Variants in ARHGAP20 observed in about 807,000 individuals in gnomAD.
The protein encoded by ARHGAP20 is rho GTPase-activating protein 20.
A neutral mutation model predicts 73.7 loss-of-function variants in ARHGAP20; 34 were observed. That is an observed-to-expected ratio of 0.46 (90% CI 0.35 to 0.61). ARHGAP20 has a LOEUF of 0.61. Among genes scored for constraint, ARHGAP20 ranks in the 20% least tolerant of loss-of-function variants. ARHGAP20 has a pLI of 0.00. For synonymous variants in ARHGAP20, 523 were observed against 518.2 expected, an observed-to-expected ratio of 1.01 and a Z score of -0.13; for missense variants, 1,314 against 1,420.9, an observed-to-expected ratio of 0.92 and a Z score of 1.21.
chr11:110,619,947 A>G (rs1418080485), intron 4 of ARHGAP20, among the ~76,000 whole-genome samples: 1 of 152,176 alleles, frequency 6.6e-6, no homozygotes, highest in African/African-American at 2.4e-5. Context: ...TCTTCCCTCA[A>G]TTTGACTCAA....
chr11:110,657,333 T>C (rs1949488398), intron 2 of ARHGAP20, among the ~76,000 whole-genome samples: 1 of 152,068 alleles, frequency 6.6e-6, no homozygotes, highest in African/African-American at 2.4e-5. Flanking sequence ...AACCTGGCTA[T>C]GAGGTAGTCA....
At chr11:110,712,067 G>A (rs1340434445) in intron 1 of ARHGAP20, 60 bp downstream of exon 1, 35 of 1,249,980 alleles carry the variant, frequency 2.8e-5, no homozygotes, top group Non-Finnish European at 3.4e-5. Context: ...CGCGGAGGGC[G>A]CGCGCCGGCA....
At chr11:110,674,931 T>C (rs750185717) in intron 2 of ARHGAP20, among the ~76,000 whole-genome samples, 23 of 152,186 alleles carry the variant, frequency 1.5e-4, no homozygotes, top group Non-Finnish European at 3.1e-4. Context: ...TCATCTTATT[T>C]TATTATACTT....
chr11:110,702,718 C>A (rs11213546), intron 1 of ARHGAP20, among the ~76,000 whole-genome samples: 15,681 of 152,172 alleles, frequency 0.1, 1,159 homozygotes, highest in African/African-American at 0.21. Flanking sequence ...GTGAAAATCA[C>A]AAGCATTCCT....
chr11:110,630,694 C>G lies in ARHGAP20; in HGVS notation c.287G>C (p.Arg96Thr), dbSNP rs758077410. The G allele has an allele frequency of 6.2e-7, 1 of 1,614,116 alleles. No homozygotes were observed. ...LLIDGRAELK[R>T]GLQRQERHLF... ...ATGCCGCTCCTGCCTCTGGAGGCCT[C>G]TTTTGAGTTCTGCCCGGCCATCAAT... Residue 96 changes from arginine (R) to threonine (T), a missense_variant, in exon 3 of 15, where the codon AGA becomes ACA. Arg to Thr is a moderately conservative substitution (Grantham distance 71). This residue lies in a region of ARHGAP20 where 443 missense variants were observed against 466.4 expected (regional missense o/e 0.95). Coordinates refer to ENST00000683387, the MANE Select transcript of ARHGAP20 (RefSeq NM_001384657.1).
chr11:110,633,219 C>T (rs1948894249), intron 2 of ARHGAP20, among the ~76,000 whole-genome samples: 1 of 152,170 alleles, frequency 6.6e-6, no homozygotes, highest in Admixed American at 6.5e-5. Flanking sequence ...GCACCATTTA[C>T]ACCAAAGACT....
chr11:110,703,717 T>C (rs150732051), intron 1 of ARHGAP20, among the ~76,000 whole-genome samples: 1 of 152,272 alleles, frequency 6.6e-6, no homozygotes, highest in East Asian at 1.9e-4. Context: ...AGCATCACTA[T>C]GGGTCTTCAC....
At chr11:110,672,851 C>T (rs1949856176) in intron 2 of ARHGAP20, among the ~76,000 whole-genome samples, 1 of 152,188 alleles carries the variant, frequency 6.6e-6, no homozygotes, top group Admixed American at 6.5e-5. Flanking sequence ...ACAAACATTA[C>T]ATGACCTAGT....
chr11:110,678,337 A>G lies in ARHGAP20; in HGVS notation c.188+12210T>C, dbSNP rs545780732. The stretch of plus-strand genomic sequence containing the variant: ...TATAGTAAAAACCACTGAAGTGTAC[A>G]CTTTTAACTGGTGAATTATACCATA... On this transcript the variant is annotated intron_variant, in intron 2 of 14. Coordinates refer to ENST00000683387, the MANE Select transcript of ARHGAP20 (RefSeq NM_001384657.1). Among the ~76,000 whole-genome samples the G allele has an allele frequency of 1.8e-4, 27 of 152,346 alleles. No homozygotes were observed. The South Asian group carries it at 4.1e-3, about 23-fold the overall frequency.
intron 2 of ARHGAP20, among the ~76,000 whole-genome samples, chr11:110,648,284 TAGACAAAGTCCTCAAAGAC>T (rs1949269296): frequency 6.9e-6 from 1 of 144,200 alleles, no homozygotes; most frequent in Non-Finnish European, 1.5e-5. Context: ...TATATGCATA[TAGACAAAGTCCTCAAAGAC>T]ATATGTGTAT....
intron 11 of ARHGAP20, among the ~76,000 whole-genome samples, chr11:110,586,708 G>C (rs1314653992): frequency 6.6e-6 from 1 of 152,094 alleles, no homozygotes; most frequent in Non-Finnish European, 1.5e-5. Context: ...TATCTATGAG[G>C]TTCATTGTCT....
In ARHGAP20 at chr11:110,579,746, G is replaced by A. The variant is rs1041289013; in HGVS notation, c.3200C>T (p.Pro1067Leu). The A allele has an allele frequency of 6.8e-6, 11 of 1,613,748 alleles. No individual in the cohort carries two copies. Among genetic ancestry groups the A allele is most frequent in the African/African-American group, 1.3e-5 (1 of 74,838 alleles). The change falls in exon 15 of 15, where the codon CCA (proline) becomes CTA (leucine). Residue 1067 changes from proline to leucine, a missense_variant. This residue lies in a region of ARHGAP20 where 641 missense variants were observed against 636.9 expected (regional missense o/e 1.01). Coordinates refer to ENST00000683387, the MANE Select transcript of ARHGAP20 (RefSeq NM_001384657.1). Reference sequence around the variant, plus strand: ...TGGGGGTGGCTCTAAGGGTCCTTTTGGAGAAGCTATTTTCTCTTCCTCTGG... The same window carrying A: ...TGGGGGTGGCTCTAAGGGTCCTTTTAGAGAAGCTATTTTCTCTTCCTCTGG... ...ARPEEEKIAS[P>L]KGPLEPPPHA...
chr11:110,676,157 A>G (rs1347765965), intron 2 of ARHGAP20, among the ~76,000 whole-genome samples: 1 of 152,246 alleles, frequency 6.6e-6, no homozygotes, highest in Non-Finnish European at 1.5e-5. Context: ...ATTTTTCCAT[A>G]TGAGAAACAC....
intron 2 of ARHGAP20, among the ~76,000 whole-genome samples, chr11:110,636,670 A>G (rs1442433122): frequency 6.6e-6 from 1 of 152,066 alleles, no homozygotes; most frequent in Non-Finnish European, 1.5e-5. Context: ...TTCATTCCAT[A>G]CACTAAAATA....
At chr11:110,624,618 TG>T (rs959013643) in intron 3 of ARHGAP20, among the ~76,000 whole-genome samples, 1 of 147,158 alleles carries the variant, frequency 6.8e-6, no homozygotes, top group African/African-American at 2.6e-5. Flanking sequence ...ATTCTGCACA[TG>T]TATCCTGTTT....
chr11:110,611,308 C>G lies in ARHGAP20; in HGVS notation c.708+1G>C. ...TAAGAATGTCTAGCAGAATAACTTA[C>G]AGTTATCCCTAGCATTGGTAATGAC... is the stretch of plus-strand genomic sequence containing the variant. On this transcript the variant is annotated splice_donor_variant, in intron 7 of 14. Coordinates refer to ENST00000683387, the MANE Select transcript of ARHGAP20 (RefSeq NM_001384657.1). LOFTEE classifies it high-confidence loss of function. The G allele has an allele frequency of 6.6e-7, 1 of 1,512,968 alleles. No homozygotes were observed. 93.7% of individuals were successfully genotyped at this position (1,512,968 alleles called of 1,614,324 possible).
intron 4 of ARHGAP20, among the ~76,000 whole-genome samples, chr11:110,617,064 T>C (rs1480987341): frequency 2.6e-5 from 4 of 152,212 alleles, no homozygotes; most frequent in Admixed American, 6.5e-5. Context: ...TCCCTTATGT[T>C]CTTTTCCAGG....
chr11:110,688,601 C>T (rs916215353), intron 2 of ARHGAP20, among the ~76,000 whole-genome samples: 4 of 151,966 alleles, frequency 2.6e-5, no homozygotes, highest in Admixed American at 6.6e-5. Flanking sequence ...TATCCACCTC[C>T]CCTAAAAAAA....
intron 2 of ARHGAP20, among the ~76,000 whole-genome samples, chr11:110,679,977 C>T (rs1427008771): frequency 6.6e-6 from 1 of 152,106 alleles, no homozygotes. Flanking sequence ...AGACTCTTAC[C>T]CTCTTTCCAT....
Sources: gnomAD v4.1 joint callset for allele counts (sites outside exome capture counted in the v4.1 genomes callset) on GRCh38, gnomAD v4.1.1 for gene constraint, gnomAD v4.1.1 regional missense constraint, MANE v1.5 for transcripts, NCBI Gene and HGNC (gene_info 2026-07-23, HGNC 2026-07-21) for gene names.